The following SIPA1L1 variants were observed in gnomAD, a reference collection of about 807,000 sequenced individuals.
SIPA1L1 encodes signal-induced proliferation-associated 1-like protein 1.
In SIPA1L1, 26 loss-of-function variants were observed where a neutral mutation model predicts 162.7. The ratio of observed to expected loss-of-function variants is 0.16; its 90% CI spans 0.12 to 0.22. The LOEUF (loss-of-function observed/expected upper bound fraction) is 0.22. SIPA1L1 is among the 10% of genes least tolerant of loss of function. The pLI, the probability that SIPA1L1 is intolerant of heterozygous loss-of-function variation, is 1.00. For missense variants in SIPA1L1, 1,874 were observed against 2,241.0 expected (o/e 0.84, Z 3.31); for synonymous variants, 829 against 837.4 (o/e 0.99, Z 0.17).
chr14:71,362,485 T>C (rs1235531517), intron 2 of SIPA1L1, among the ~76,000 whole-genome samples: 1 of 152,198 alleles, frequency 6.6e-6, no homozygotes, highest in Non-Finnish European at 1.5e-5. Context: ...CTGACTCTAA[T>C]GGTGAGACAG....
chr14:71,637,257 A>T (rs1295679921), intron 7 of SIPA1L1, among the ~76,000 whole-genome samples: 1 of 152,110 alleles, frequency 6.6e-6, no homozygotes, highest in East Asian at 1.9e-4. Context: ...GTCCCTCAGT[A>T]TTCATGGTTT....
rs369327499 is a variant in SIPA1L1 at position 71,658,456 on chromosome 14, T to C, written c.2097+20T>C. ...CAACAGGTAAGAGATCCTCCTGTTA[T>C]CTGTGTTTTCACCCTTGTTTCATTT... On this transcript the variant is annotated intron_variant, in intron 9 of 23. Coordinates refer to ENST00000381232, the MANE Select transcript of SIPA1L1 (RefSeq NM_001386936.1). The C allele has an allele frequency of 2.1e-6, 3 of 1,411,330 alleles. No homozygotes were observed. The highest frequency in any genetic ancestry group is 3.0e-6 in the Non-Finnish European group (3 of 995,220). The allele number at this position is 1,411,330 out of a possible 1,614,324, so 87.4% of individuals were successfully genotyped here.
chr14:71,714,622 CTCAGGCTAGAGT>C (rs1317070863), intron 17 of SIPA1L1, among the ~76,000 whole-genome samples: 14 of 151,818 alleles, frequency 9.2e-5, no homozygotes, highest in Non-Finnish European at 1.6e-4. Context: ...CATTCTGTCA[CTCAGGCTAGAGT>C]TCAGTGGTGG....
At chr14:71,513,017 A>G (rs574095692) in intron 3 of SIPA1L1, among the ~76,000 whole-genome samples, 172 bp downstream of exon 3, 2 of 152,172 alleles carry the variant, frequency 1.3e-5, no homozygotes, top group East Asian at 1.9e-4. Context: ...GATCGAACCA[A>G]TGTATACCTC....
At position 71,698,985 on chromosome 14, in the gene SIPA1L1, T is replaced by C; in HGVS notation, c.3379T>C (p.Ser1127Pro). 1 of 1,614,218 alleles carries C rather than the reference T, an allele frequency of 6.2e-7. No homozygotes were observed. Among genetic ancestry groups the C allele is most frequent in the Non-Finnish European group, 8.5e-7 (1 of 1,180,020 alleles). ...SDGRPLERRL[S>P]PGSDIYVTVS... Reference sequence around the variant, plus strand: ...GTTTTTGTATTGCACATGCAGGCTGTCTCCTGGTTCGGACATCTATGTGAC... The same window carrying C: ...GTTTTTGTATTGCACATGCAGGCTGCCTCCTGGTTCGGACATCTATGTGAC... Residue 1127 changes from serine (S) to proline (P), a missense_variant, in exon 14 of 24, where the codon TCT becomes CCT. Transcript: ENST00000381232.
intron 3 of SIPA1L1, among the ~76,000 whole-genome samples, chr14:71,519,784 C>G (rs1319489518): frequency 6.6e-6 from 1 of 151,298 alleles, no homozygotes; most frequent in African/African-American, 2.4e-5. Context: ...ATGATCATAC[C>G]ACTGCACTCC....
intron 15 of SIPA1L1, among the ~76,000 whole-genome samples, chr14:71,703,273 T>A (rs929797065): frequency 6.6e-6 from 1 of 152,204 alleles, no homozygotes. Context: ...GTTGCATCAG[T>A]GTAGGATAAA....
In SIPA1L1 at chr14:71,723,845, C is replaced by G. The variant is rs772073482; in HGVS notation, c.4407C>G (p.Pro1469=). The part of the protein sequence containing the change: ...TSKYLIGWKK[P]EGTINSVGFM... ...AGTACCTGATTGGATGGAAAAAACC[C>G]GAAGGAACCATAAACTCCGTGGGAT... The change falls in exon 18 of 24, where the codon CCC becomes CCG. Residue 1469 remains proline, a synonymous_variant. Transcript: ENST00000381232. The G allele has an allele frequency of 8.1e-6, 13 of 1,613,974 alleles. No individual in the cohort carries two copies. The African/African-American group carries it at 1.7e-4, about 22-fold the overall frequency.
Position 71,462,015 on chromosome 14 carries a change from C to T in SIPA1L1, c.-464-50728C>T, listed in dbSNP as rs534106139. Among the ~76,000 whole-genome samples the T allele has an allele frequency of 1.2e-3, 181 of 152,240 alleles. 1 individual carries two copies. The highest frequency in any genetic ancestry group is 3.7e-3 in the African/African-American group (153 of 41,540). On this transcript the variant is annotated intron_variant, in intron 2 of 23. Transcript: ENST00000381232. ...CTTACTTGTGCCTTCAGGATGTGCT[C>T]GAGCGCAATCACGTATATACCACTT...
At chr14:71,726,727 G>A (rs978026327) in intron 19 of SIPA1L1, among the ~76,000 whole-genome samples, 1 of 152,186 alleles carries the variant, frequency 6.6e-6, no homozygotes, top group Non-Finnish European at 1.5e-5. Context: ...CTGGGAATAG[G>A]CCCAGGTTTT....
At chr14:71,542,541 TCTCTTCCTCCTCCTC>T (rs1032329498) in intron 4 of SIPA1L1, among the ~76,000 whole-genome samples, 5 of 137,660 alleles carry the variant, frequency 3.6e-5, no homozygotes, top group Admixed American at 2.9e-4. Context: ...TTCCTCCTCC[TCTCTTCCTCCTCCTC>T]CTCTTCCTCC....
At chr14:71,684,736 C>G (rs1358403290) in intron 12 of SIPA1L1, among the ~76,000 whole-genome samples, 2 of 151,912 alleles carry the variant, frequency 1.3e-5, no homozygotes, top group Non-Finnish European at 2.9e-5. Context: ...CTTTTGGAGC[C>G]CAGTCAAGAT....
At chr14:71,383,588 C>T (rs1281349571) in intron 2 of SIPA1L1, among the ~76,000 whole-genome samples, 1 of 152,048 alleles carries the variant, frequency 6.6e-6, no homozygotes, top group South Asian at 2.1e-4. Context: ...GTTCTGCAAG[C>T]GGTACTAGCA....
At chr14:71,342,652 CT>C (rs935001078) in intron 2 of SIPA1L1, among the ~76,000 whole-genome samples, 1 of 152,076 alleles carries the variant, frequency 6.6e-6, no homozygotes, top group African/African-American at 2.4e-5. Context: ...GAAAGGAGTA[CT>C]TTTTTTATAC....
At chr14:71,456,681 A>G (rs1181325283) in intron 2 of SIPA1L1, among the ~76,000 whole-genome samples, 3 of 152,232 alleles carry the variant, frequency 2.0e-5, no homozygotes, top group East Asian at 3.8e-4. Context: ...AAAGTGTGTT[A>G]TATATTAATC....
At chr14:71,591,108 A>G (rs2035331229) in intron 5 of SIPA1L1, among the ~76,000 whole-genome samples, 1 of 152,154 alleles carries the variant, frequency 6.6e-6, no homozygotes, top group Non-Finnish European at 1.5e-5. Context: ...TATTAGTTAT[A>G]ATCTAATTTA....
At position 71,710,744 on chromosome 14, in the gene SIPA1L1, G is replaced by A. The variant is rs547424367; in HGVS notation, c.4208+1080G>A. On this transcript the variant is annotated intron_variant, in intron 17 of 23. Transcript: ENST00000381232. ...AATCGCTTGAACCCAGGAGGCAGAG[G>A]TTGCGGTGAGCCAAGATCACACAAC... 3.4e-5 allele frequency among the ~76,000 whole-genome samples: 5 copies of A among 149,118 alleles called. No individual in the cohort carries two copies. The South Asian group carries it at 1.1e-3, about 32-fold the overall frequency.
intron 2 of SIPA1L1, among the ~76,000 whole-genome samples, chr14:71,380,265 G>C (rs1290638213): frequency 3.3e-5 from 5 of 152,146 alleles, no homozygotes; most frequent in Non-Finnish European, 7.4e-5. Flanking sequence ...TAATTAAATG[G>C]TTCTTGTAGA....
chr14:71,687,625 AT>A (rs938899418), intron 13 of SIPA1L1, among the ~76,000 whole-genome samples: 7 of 152,190 alleles, frequency 4.6e-5, no homozygotes, highest in African/African-American at 1.7e-4. Context: ...AAGGGAAAAT[AT>A]TTTTTGTAGC....
Sources: allele counts gnomAD v4.1 joint callset (sites outside exome capture counted in the v4.1 genomes callset), GRCh38; gene constraint gnomAD v4.1.1; transcripts MANE v1.5; gene names NCBI Gene and HGNC (gene_info 2026-07-23, HGNC 2026-07-21).